CNTN4: variants seen among roughly 807,000 people sequenced by gnomAD.
The protein encoded by CNTN4 is contactin-4.
Under a neutral mutation model 122.5 loss-of-function variants are expected in CNTN4, and 77 were observed. The observed-to-expected ratio is 0.63, with a 90% CI of 0.52 to 0.76. CNTN4 has a LOEUF of 0.76. CNTN4 is among the 30% of genes least tolerant of loss of function. The probability of loss-of-function intolerance (pLI) is 0.00; values close to 1 mark genes in which losing one functional copy is unlikely to be tolerated. For missense variants in CNTN4, 1,256 were observed against 1,259.1 expected (o/e 1.00, Z 0.04); for synonymous variants, 512 against 447.0 (o/e 1.15, Z -1.83).
chr3:2,951,227 C>T (rs2094739793), intron 13 of CNTN4, among the ~76,000 whole-genome samples: 1 of 152,098 alleles, frequency 6.6e-6, no homozygotes, highest in African/African-American at 2.4e-5. Context: ...GAACTGGTTT[C>T]GTGGAAGACA....
intron 2 of CNTN4, among the ~76,000 whole-genome samples, chr3:2,151,192 C>A (rs761748303): frequency 6.6e-6 from 1 of 151,946 alleles, no homozygotes; most frequent in East Asian, 1.9e-4. Flanking sequence ...CCCAAAGTGC[C>A]GGGATTACAG....
At chr3:3,007,107 C>G (rs1696732514) in intron 14 of CNTN4, among the ~76,000 whole-genome samples, 1 of 152,016 alleles carries the variant, frequency 6.6e-6, no homozygotes, top group Non-Finnish European at 1.5e-5. Flanking sequence ...AAAAGTAAAT[C>G]ATTACTGTAT....
intron 2 of CNTN4, chr3:2,238,898 TGTA>T (rs1204600084): frequency 9.2e-5 from 10 of 108,740 alleles, no homozygotes; most frequent in Admixed American, 2.1e-4. Flanking sequence ...GGCTAATTTT[TGTA>T]TTTTTAGTAG....
At chr3:2,736,033 C>A in intron 4 of CNTN4, 182 bp from the exon 5 acceptor site, 1 of 740,202 alleles carries the variant, frequency 1.4e-6, no homozygotes, top group Non-Finnish European at 2.5e-6. Flanking sequence ...TTCACTTCAT[C>A]ATAATCCACA....
intron 4 of CNTN4, among the ~76,000 whole-genome samples, chr3:2,592,580 C>G (rs1000735440): frequency 6.6e-6 from 1 of 152,172 alleles, no homozygotes; most frequent in East Asian, 1.9e-4. Context: ...GGGAGTTTCT[C>G]TGCACAAACT....
chr3:2,257,819 C>A (rs1325538094), intron 2 of CNTN4, among the ~76,000 whole-genome samples: 4 of 151,986 alleles, frequency 2.6e-5, no homozygotes, highest in African/African-American at 9.7e-5. Context: ...ATCTTAGCAC[C>A]TTGGGAGGCC....
chr3:2,946,625 G>A (rs377293479), intron 13 of CNTN4, among the ~76,000 whole-genome samples: 5 of 151,286 alleles, frequency 3.3e-5, no homozygotes, highest in African/African-American at 1.2e-4. Flanking sequence ...TTATAATTTG[G>A]TACATGCCCT....
chr3:2,559,579 A>G (rs990497869), intron 3 of CNTN4, among the ~76,000 whole-genome samples: 3 of 149,540 alleles, frequency 2.0e-5, no homozygotes, highest in Non-Finnish European at 4.5e-5. Context: ...AGAAAAAAAG[A>G]AAAAGGTTGT....
intron 6 of CNTN4, among the ~76,000 whole-genome samples, chr3:2,816,962 A>C (rs1024584451): frequency 1.3e-5 from 2 of 152,212 alleles, no homozygotes; most frequent in African/African-American, 2.4e-5. Context: ...TGAGTGTACA[A>C]ACTTTGACAT....
chr3:3,040,708 A>G (rs7649226), intron 20 of CNTN4, among the ~76,000 whole-genome samples: 40,646 of 152,054 alleles, frequency 0.27, 5,688 homozygotes, highest in Middle Eastern at 0.35. Flanking sequence ...CGGGTGGATC[A>G]CCTGAGGTTG....
chr3:2,758,761 C>T (rs914646563), intron 6 of CNTN4, among the ~76,000 whole-genome samples: 1 of 152,090 alleles, frequency 6.6e-6, no homozygotes, highest in Non-Finnish European at 1.5e-5. Flanking sequence ...CCTGCCTCGG[C>T]CTCCTAAGGT....
intron 4 of CNTN4, among the ~76,000 whole-genome samples, chr3:2,690,359 C>T (rs566815989): frequency 6.6e-6 from 1 of 152,170 alleles, no homozygotes; most frequent in African/African-American, 2.4e-5. Flanking sequence ...CTAAGAGAAG[C>T]CGTTTAGCAT....
intron 4 of CNTN4, among the ~76,000 whole-genome samples, chr3:2,659,257 T>C (rs1469644850): frequency 6.6e-6 from 1 of 151,354 alleles, no homozygotes; most frequent in African/African-American, 2.4e-5. Flanking sequence ...GAGGTCAGAG[T>C]TGGAGACCAG....
Position 2,689,776 on chromosome 3 carries a change from T to C in CNTN4, c.56-46439T>C, listed in dbSNP as rs529305391. Among the ~76,000 whole-genome samples, 39 of 152,236 alleles carry C rather than the reference T, an allele frequency of 2.6e-4. 1 individual carries two copies. The South Asian group carries it at 8.1e-3, about 32-fold the overall frequency. Reference sequence around the variant, plus strand: ...CCAGTTTCCCCCACCTCCTCTCTCCTATACACCACAATACGAATCCAGGGC... The same window carrying C: ...CCAGTTTCCCCCACCTCCTCTCTCCCATACACCACAATACGAATCCAGGGC... On this transcript the variant is annotated intron_variant, in intron 4 of 24. Coordinates refer to ENST00000418658, the MANE Select transcript of CNTN4 (RefSeq NM_175607.3).
At chr3:2,967,524 TTAAAC>T (rs528901587) in intron 13 of CNTN4, among the ~76,000 whole-genome samples, 51 of 152,286 alleles carry the variant, frequency 3.3e-4, no homozygotes, top group African/African-American at 1.2e-3. Flanking sequence ...TGTCTTTGTT[TTAAAC>T]TATAAACTAT....
intron 3 of CNTN4, among the ~76,000 whole-genome samples, chr3:2,533,357 C>G (rs1243402669): frequency 6.6e-6 from 1 of 151,896 alleles, no homozygotes; most frequent in Non-Finnish European, 1.5e-5. Flanking sequence ...TTATTCAATT[C>G]CGACCTATGA....
intron 3 of CNTN4, among the ~76,000 whole-genome samples, chr3:2,559,218 C>T (rs1575989454): frequency 6.6e-6 from 1 of 152,166 alleles, no homozygotes; most frequent in Non-Finnish European, 1.5e-5. Flanking sequence ...GATCCATGTG[C>T]TGTAATTCTG....
chr3:2,124,279 T>G (rs2125231867), intron 2 of CNTN4, among the ~76,000 whole-genome samples: 1 of 152,206 alleles, frequency 6.6e-6, no homozygotes, highest in African/African-American at 2.4e-5. Context: ...CTGTCACTTG[T>G]TTTCTCAACG....
chr3:2,140,542 A>G (rs760469919), intron 2 of CNTN4, among the ~76,000 whole-genome samples: 2 of 152,158 alleles, frequency 1.3e-5, no homozygotes, highest in Non-Finnish European at 2.9e-5. Context: ...TCACATGGGT[A>G]TAGGAGGTAA....
Sources: gnomAD v4.1 joint callset for allele counts (sites outside exome capture counted in the v4.1 genomes callset) on GRCh38, gnomAD v4.1.1 for gene constraint, MANE v1.5 for transcripts, NCBI Gene and HGNC (gene_info 2026-07-23, HGNC 2026-07-21) for gene names.